PDZRN4: variants seen among roughly 807,000 people sequenced by gnomAD.
The protein encoded by PDZRN4 is PDZ domain-containing RING finger protein 4.
A neutral mutation model predicts 99.0 loss-of-function variants in PDZRN4; 70 were observed. That is an observed-to-expected ratio of 0.71 (90% confidence interval 0.58 to 0.86). The LOEUF (loss-of-function observed/expected upper bound fraction) is 0.86. Ranked by LOEUF, PDZRN4 falls within the 40% of genes least tolerant of loss-of-function variation. PDZRN4 has a pLI of 0.00. For missense variants in PDZRN4, 1,474 were observed against 1,331.2 expected (o/e 1.11, Z -1.67); for synonymous variants, 551 against 501.6 (o/e 1.10, Z -1.32).
intron 3 of PDZRN4, among the ~76,000 whole-genome samples, chr12:41,337,765 G>A (rs1466760870): frequency 6.6e-6 from 1 of 152,104 alleles, no homozygotes; most frequent in Non-Finnish European, 1.5e-5. Context: ...AGATGAGGAT[G>A]AAGTCATTCC....
At chr12:41,278,250 T>G (rs1185264081) in intron 3 of PDZRN4, among the ~76,000 whole-genome samples, 1 of 152,208 alleles carries the variant, frequency 6.6e-6, no homozygotes, top group African/African-American at 2.4e-5. Flanking sequence ...TTATGTTATA[T>G]TCAGAAGTCA....
At chr12:41,402,127 A>ATATATATACACACTGAG (rs1952294312) in intron 3 of PDZRN4, among the ~76,000 whole-genome samples, 4 of 88,644 alleles carry the variant, frequency 4.5e-5, no homozygotes, top group Non-Finnish European at 8.0e-5. Context: ...ATATATATAT[A>ATATATATACACACTGAG]TATATATATA....
chr12:41,440,259 T>A (rs529977935), intron 3 of PDZRN4, among the ~76,000 whole-genome samples: 1 of 152,192 alleles, frequency 6.6e-6, no homozygotes, highest in Non-Finnish European at 1.5e-5. Flanking sequence ...TTTCTTTTGT[T>A]ACTATTCCTT....
intron 3 of PDZRN4, among the ~76,000 whole-genome samples, chr12:41,293,029 T>C (rs1256163731): frequency 3.3e-5 from 5 of 151,456 alleles, no homozygotes; most frequent in Admixed American, 6.6e-5. Flanking sequence ...GCACCTTGCT[T>C]CTGGCTGCTC....
rs761082861 is a variant in PDZRN4, at chr12:41,506,488, T to C, written c.876T>C (p.His292=). The C allele has an allele frequency of 3.7e-6, 6 of 1,613,492 alleles. No homozygotes were observed. The East Asian group carries it at 8.9e-5, about 24-fold the overall frequency. The change falls in exon 4 of 10, where the codon CAT becomes CAC. Residue 292 remains histidine, a synonymous_variant. Coordinates refer to ENST00000402685, the MANE Select transcript of PDZRN4 (RefSeq NM_001164595.2). ...GGAAGGATCTTTCAAAGGCCACTCA[T>C]GAAGAGGCAGTGGAAGCTTTTCGCA... ...VNGKDLSKAT[H]EEAVEAFRNA...
intron 3 of PDZRN4, among the ~76,000 whole-genome samples, chr12:41,225,366 T>C (rs951325847): frequency 3.3e-5 from 5 of 151,936 alleles, no homozygotes; most frequent in Non-Finnish European, 5.9e-5. Context: ...AAAATAAAGC[T>C]CTGAATCAAT....
At chr12:41,369,407 T>C (rs556217971) in intron 3 of PDZRN4, among the ~76,000 whole-genome samples, 31 of 152,216 alleles carry the variant, frequency 2.0e-4, no homozygotes, top group African/African-American at 6.7e-4. Context: ...TTTCCTCTTG[T>C]ACTGTTCATT....
rs530801815 is a variant in PDZRN4 at position 41,442,776 on chromosome 12, G to T, written c.844-63680G>T. 4.6e-5 allele frequency among the ~76,000 whole-genome samples: 7 copies of T among 152,196 alleles called. No homozygotes were observed. In the Middle Eastern group the frequency reaches 0.01, roughly 222 times the overall value. On this transcript the variant is annotated intron_variant, in intron 3 of 9. Coordinates refer to ENST00000402685, the MANE Select transcript of PDZRN4 (RefSeq NM_001164595.2). Reference sequence around the variant, plus strand: ...CAAAGGAATGTTGGTGGGGGAGCTTGGGGGTTTGTGTTCCACCATATCTAT... The same window carrying T: ...CAAAGGAATGTTGGTGGGGGAGCTTTGGGGTTTGTGTTCCACCATATCTAT...
chr12:41,321,825 T>C (rs1390354055), intron 3 of PDZRN4, among the ~76,000 whole-genome samples: 2 of 152,176 alleles, frequency 1.3e-5, no homozygotes, highest in African/African-American at 4.8e-5. Context: ...TCGAGGATAT[T>C]TTGGAATTAT....
intron 3 of PDZRN4, among the ~76,000 whole-genome samples, chr12:41,482,113 G>A (rs1937682333): frequency 6.6e-6 from 1 of 152,124 alleles, no homozygotes; most frequent in South Asian, 2.1e-4. Context: ...ACTGATGTCT[G>A]ACCATTGGGT....
At chr12:41,218,546 C>T (rs1259058438) in intron 3 of PDZRN4, among the ~76,000 whole-genome samples, 1 of 152,030 alleles carries the variant, frequency 6.6e-6, no homozygotes, top group Non-Finnish European at 1.5e-5. Context: ...AAAATTTTAT[C>T]ATATACTGAC....
At chr12:41,445,481 A>G (rs1952717884) in intron 3 of PDZRN4, among the ~76,000 whole-genome samples, 1 of 152,096 alleles carries the variant, frequency 6.6e-6, no homozygotes, top group African/African-American at 2.4e-5. Context: ...ACAACAGTCA[A>G]TCACTGTCCA....
chr12:41,239,686 C>T (rs145790114), intron 3 of PDZRN4, among the ~76,000 whole-genome samples: 89 of 152,186 alleles, frequency 5.8e-4, no homozygotes, highest in African/African-American at 2.0e-3. Context: ...TTCAAGAAAT[C>T]GGATTTTATT....
chr12:41,335,058 T>A (rs1951764118), intron 3 of PDZRN4, among the ~76,000 whole-genome samples: 1 of 151,996 alleles, frequency 6.6e-6, no homozygotes, highest in South Asian at 2.1e-4. Context: ...ATAGGTTAGG[T>A]AAAAATGAAA....
chr12:41,520,190 G>T (rs1565604817), intron 5 of PDZRN4, among the ~76,000 whole-genome samples: 1 of 152,108 alleles, frequency 6.6e-6, no homozygotes, highest in Non-Finnish European at 1.5e-5. Flanking sequence ...ACAAACAAAA[G>T]ATATGGTTAC....
chr12:41,267,147 A>G (rs1951283282), intron 3 of PDZRN4, among the ~76,000 whole-genome samples: 1 of 152,220 alleles, frequency 6.6e-6, no homozygotes, highest in Non-Finnish European at 1.5e-5. Flanking sequence ...GACTTTGGCT[A>G]TCATCTTATA....
intron 3 of PDZRN4, among the ~76,000 whole-genome samples, chr12:41,496,345 A>G (rs967271395): frequency 6.6e-6 from 1 of 152,128 alleles, no homozygotes; most frequent in East Asian, 1.9e-4. Flanking sequence ...GATCACCACC[A>G]TAGCACTGTG....
chr12:41,333,287 C>T (rs1193086015), intron 3 of PDZRN4, among the ~76,000 whole-genome samples: 1 of 152,128 alleles, frequency 6.6e-6, no homozygotes, highest in Non-Finnish European at 1.5e-5. Context: ...TCAGCTCTCC[C>T]TGTAAACCTT....
chr12:41,365,076 G>A (rs1951988639), intron 3 of PDZRN4, among the ~76,000 whole-genome samples: 1 of 151,664 alleles, frequency 6.6e-6, no homozygotes. Flanking sequence ...TTTGAATTTT[G>A]CAAAGTCTTA....
Sources: gnomAD v4.1 joint callset for allele counts (sites outside exome capture counted in the v4.1 genomes callset) on GRCh38, gnomAD v4.1.1 for gene constraint, MANE v1.5 for transcripts, NCBI Gene and HGNC (gene_info 2026-07-23, HGNC 2026-07-21) for gene names.